The following THADA variants were observed in gnomAD, a reference collection of about 807,000 sequenced individuals.
THADA encodes the protein tRNA (32-2'-O)-methyltransferase regulator THADA.
In THADA, 213 loss-of-function variants were observed where a neutral mutation model predicts 219.8. The observed-to-expected ratio is 0.97, with a 90% CI of 0.87 to 1.09. The LOEUF (loss-of-function observed/expected upper bound fraction) is 1.09. Ranked by LOEUF, THADA falls within the 50% of genes least tolerant of loss-of-function variation. The pLI, the probability that THADA is intolerant of heterozygous loss-of-function variation, is 0.00. For synonymous variants in THADA, 1,018 were observed against 828.9 expected, an observed-to-expected ratio of 1.23 and a Z score of -3.92; for missense variants, 2,956 against 2,311.3, an observed-to-expected ratio of 1.28 and a Z score of -5.72.
Position 43,232,806 on chromosome 2 carries a change from C to T in THADA, c.5373G>A (p.Gln1791=), listed in dbSNP as rs373315468. ...GCAGTCCAGGGGCCAACTGGTCCCA[C>T]TGCTGGAGCAGATCACACAGGACGG... is the stretch of plus-strand genomic sequence containing the variant. ...ALAVLCDLLQ[Q]WDQLAPGLPI... The change falls in exon 37 of 38, where the codon CAG becomes CAA. Residue 1791 remains glutamine (Q), a synonymous_variant. Transcript: ENST00000405975. 1 of 1,613,360 alleles carries T rather than the reference C, an allele frequency of 6.2e-7. No individual in the cohort carries two copies. Among genetic ancestry groups the T allele is most frequent in the Non-Finnish European group, 8.5e-7 (1 of 1,179,684 alleles).
At chr2:43,522,557 T>A (rs1157022796) in intron 22 of THADA, among the ~76,000 whole-genome samples, 1 of 152,198 alleles carries the variant, frequency 6.6e-6, no homozygotes, top group Non-Finnish European at 1.5e-5. Context: ...ATTAAAAAAA[T>A]TCTAAAACTT....
chr2:43,342,753 T>G (rs1667195507), intron 30 of THADA, among the ~76,000 whole-genome samples: 1 of 152,240 alleles, frequency 6.6e-6, no homozygotes, highest in Non-Finnish European at 1.5e-5. Context: ...TGGAAGTCCC[T>G]GGAGCCAGGA....
chr2:43,552,859 A>G (rs1696908138), intron 17 of THADA, among the ~76,000 whole-genome samples: 1 of 151,850 alleles, frequency 6.6e-6, no homozygotes, highest in Non-Finnish European at 1.5e-5. Flanking sequence ...CTCTCCTTGC[A>G]CCTCTACCCT....
intron 26 of THADA, among the ~76,000 whole-genome samples, chr2:43,457,987 A>G (rs931579856): frequency 1.3e-5 from 2 of 152,082 alleles, no homozygotes; most frequent in African/African-American, 4.8e-5. Context: ...ACTGTCCTCT[A>G]CCTCTCGACA....
At chr2:43,334,846 A>G (rs72790903) in intron 30 of THADA, among the ~76,000 whole-genome samples, 14,730 of 152,138 alleles carry the variant, frequency 0.097, 779 homozygotes, top group Admixed American at 0.14. Flanking sequence ...GGCGGCCCAG[A>G]CAACGGAGTA....
intron 1 of THADA, among the ~76,000 whole-genome samples, chr2:43,594,687 A>G (rs1296032472): frequency 1.3e-5 from 2 of 151,892 alleles, no homozygotes; most frequent in African/African-American, 2.4e-5. Flanking sequence ...TCTCAAACCA[A>G]TCTCCTCTTC....
At chr2:43,583,921 G>T (rs1390173437) in intron 7 of THADA, among the ~76,000 whole-genome samples, 1 of 151,528 alleles carries the variant, frequency 6.6e-6, no homozygotes, top group Non-Finnish European at 1.5e-5. Flanking sequence ...ACGTCTGTGG[G>T]CCCAGCTACT....
chr2:43,481,481 AC>A (rs1686216367), intron 26 of THADA, among the ~76,000 whole-genome samples: 1 of 152,166 alleles, frequency 6.6e-6, no homozygotes, highest in Non-Finnish European at 1.5e-5. Context: ...GTTTCCATGT[AC>A]CCCAAATCTA....
intron 22 of THADA, among the ~76,000 whole-genome samples, chr2:43,516,180 C>T (rs1691700283): frequency 6.6e-6 from 1 of 152,166 alleles, no homozygotes; most frequent in Admixed American, 6.5e-5. Flanking sequence ...TGTAACTAAT[C>T]GGTCTTTCTG....
intron 36 of THADA, among the ~76,000 whole-genome samples, chr2:43,254,987 A>G (rs1670161897): frequency 6.6e-6 from 1 of 152,036 alleles, no homozygotes; most frequent in Middle Eastern, 3.2e-3. Flanking sequence ...AACATAAAAC[A>G]CTCCAAACTT....
chr2:43,365,566 G>GACACACACACACACACAC (rs375762944), intron 29 of THADA, among the ~76,000 whole-genome samples: 10 of 143,606 alleles, frequency 7.0e-5, no homozygotes, highest in South Asian at 2.3e-4. Context: ...GCAAGACTCT[G>GACACACACACACACACAC]ACACACACAC....
At chr2:43,362,451 TG>T (rs754580631) in intron 29 of THADA, among the ~76,000 whole-genome samples, 11 of 152,168 alleles carry the variant, frequency 7.2e-5, no homozygotes, top group Admixed American at 1.3e-4. Context: ...TATAACACAA[TG>T]GTAAGTATTT....
intron 26 of THADA, among the ~76,000 whole-genome samples, chr2:43,437,653 A>C (rs1016433647): frequency 6.6e-6 from 1 of 152,240 alleles, no homozygotes; most frequent in Non-Finnish European, 1.5e-5. Flanking sequence ...GTTGAGAGAC[A>C]AGATGAGTTA....
At chr2:43,255,298 T>C (rs1670193868) in intron 36 of THADA, among the ~76,000 whole-genome samples, 1 of 152,244 alleles carries the variant, frequency 6.6e-6, no homozygotes, top group Non-Finnish European at 1.5e-5. Context: ...ACAGTGACTA[T>C]TATGAACACA....
rs142918477 is a variant in THADA, at chr2:43,304,526, C to A, written c.4439-11313G>T. Among the ~76,000 whole-genome samples, 209 of 152,328 alleles carry A rather than the reference C, an allele frequency of 1.4e-3. 1 individual carries two copies. Among genetic ancestry groups the A allele is most frequent in the Middle Eastern group, 6.8e-3 (2 of 294 alleles). On this transcript the variant is annotated intron_variant, in intron 31 of 37. Transcript: ENST00000405975. Reference sequence around the variant, plus strand: ...TCTGCACTTGCACATGTTCTTCCCTCTGCCTCAAAGGAATGAATGAACAAA... The same window carrying A: ...TCTGCACTTGCACATGTTCTTCCCTATGCCTCAAAGGAATGAATGAACAAA...
chr2:43,243,560 T>A (rs1668829467), intron 36 of THADA, among the ~76,000 whole-genome samples: 1 of 152,018 alleles, frequency 6.6e-6, no homozygotes, highest in South Asian at 2.1e-4. Flanking sequence ...GAGGGGCTCA[T>A]CTCCTCACCT....
At chr2:43,475,841 G>C (rs1685468728) in intron 26 of THADA, among the ~76,000 whole-genome samples, 1 of 152,146 alleles carries the variant, frequency 6.6e-6, no homozygotes, top group African/African-American at 2.4e-5. Context: ...ATACATAAAA[G>C]AAAAACATAT....
chr2:43,267,986 A>T (rs747736138), intron 36 of THADA, among the ~76,000 whole-genome samples: 6 of 152,220 alleles, frequency 3.9e-5, no homozygotes, highest in Non-Finnish European at 8.8e-5. Context: ...TCAGTACTTC[A>T]GCTGGAGGTG....
intron 23 of THADA, among the ~76,000 whole-genome samples, chr2:43,506,089 A>C (rs1689633398): frequency 6.6e-6 from 1 of 152,226 alleles, no homozygotes; most frequent in Admixed American, 6.5e-5. Flanking sequence ...AGTTTCAGTA[A>C]CAAATTTATC....
Sources: allele counts gnomAD v4.1 joint callset (sites outside exome capture counted in the v4.1 genomes callset), GRCh38; gene constraint gnomAD v4.1.1; transcripts MANE v1.5; gene names NCBI Gene and HGNC (gene_info 2026-07-23, HGNC 2026-07-21).